Variants in FOXJ3 observed in about 807,000 individuals in gnomAD.
FOXJ3 encodes the protein forkhead box J3.
A neutral mutation model predicts 76.1 loss-of-function variants in FOXJ3; 22 were observed. That is an observed-to-expected ratio of 0.29 (90% CI 0.21 to 0.41). The LOEUF (loss-of-function observed/expected upper bound fraction) is 0.41, where lower values mean the gene tolerates loss of function less well. Ranked by LOEUF, FOXJ3 falls within the 10% of genes least tolerant of loss-of-function variation. The pLI is 1.00. For missense variants in FOXJ3, 613 were observed against 762.1 expected (o/e 0.80, Z 2.30); for synonymous variants, 269 against 261.2 (o/e 1.03, Z -0.29).
intron 3 of FOXJ3, 123 bp from the exon 4 acceptor site, chr1:42,265,312 CT>C: frequency 1.8e-6 from 1 of 542,596 alleles, no homozygotes; most frequent in Non-Finnish European, 3.2e-6. Context: ...ATGGAATAAA[CT>C]TTTTAATCAG....
At chr1:42,200,958 A>G (rs1646753125) in intron 6 of FOXJ3, among the ~76,000 whole-genome samples, 2 of 152,214 alleles carry the variant, frequency 1.3e-5, no homozygotes, top group Non-Finnish European at 2.9e-5. Context: ...CTGCATGAAC[A>G]TTATATAATC....
Position 42,179,834 on chromosome 1 carries a change from A to C in FOXJ3, c.1754-9T>G, listed in dbSNP as rs767422028. 5 of 1,593,000 alleles carry C rather than the reference A, an allele frequency of 3.1e-6. No homozygotes were observed. In the South Asian group the frequency reaches 5.5e-5, roughly 18 times the overall value. ...CATGGCTCTGTGATGGCCTGGAAGG[A>C]AAGAGGCAATAATAGCAGCGACTTG... On this transcript the variant is annotated splice_polypyrimidine_tract_variant and intron_variant, in intron 12 of 12. Transcript: ENST00000361346.
At chr1:42,303,470 A>T (rs538821527) in intron 2 of FOXJ3, among the ~76,000 whole-genome samples, 2 of 152,328 alleles carry the variant, frequency 1.3e-5, no homozygotes, top group South Asian at 4.1e-4. Flanking sequence ...GGCAGCAAGA[A>T]GGCTTGAAAT....
intron 4 of FOXJ3, among the ~76,000 whole-genome samples, chr1:42,231,363 A>G (rs1648094546): frequency 6.6e-6 from 1 of 152,010 alleles, no homozygotes; most frequent in South Asian, 2.1e-4. Context: ...AACGAGGGAT[A>G]CTCTGACACA....
At chr1:42,324,071 G>A (rs1308249277) in intron 1 of FOXJ3, among the ~76,000 whole-genome samples, 1 of 134,350 alleles carries the variant, frequency 7.4e-6, no homozygotes, top group Non-Finnish European at 1.6e-5. Flanking sequence ...TATACACAGT[G>A]TATATATAGT....
At chr1:42,181,827 A>ACACACT (rs765228414) in intron 12 of FOXJ3, 90 bp downstream of exon 12, 1 of 762,316 alleles carries the variant, frequency 1.3e-6, no homozygotes, top group African/African-American at 1.8e-5. Flanking sequence ...ACACACACAC[A>ACACACT]CTCTCTCTCT....
At chr1:42,328,099 C>G (rs1029995463) in intron 1 of FOXJ3, among the ~76,000 whole-genome samples, 13 of 152,122 alleles carry the variant, frequency 8.5e-5, no homozygotes, top group African/African-American at 3.1e-4. Flanking sequence ...CAAGACCAGC[C>G]TAGGGAGCCA....
chr1:42,258,666 G>C (rs138039087), intron 4 of FOXJ3, among the ~76,000 whole-genome samples: 28 of 152,164 alleles, frequency 1.8e-4, no homozygotes, highest in African/African-American at 6.5e-4. Context: ...TACTCTTAAT[G>C]GATTAAAATA....
At chr1:42,215,664 A>G (rs1254291607) in intron 5 of FOXJ3, among the ~76,000 whole-genome samples, 1 of 152,268 alleles carries the variant, frequency 6.6e-6, no homozygotes. Context: ...TAGATACATC[A>G]TAATCAAATT....
chr1:42,192,163 A>G lies in FOXJ3; in HGVS notation c.935-444T>C, dbSNP rs185508027. Among the ~76,000 whole-genome samples, 5 of 152,366 alleles carry G rather than the reference A, an allele frequency of 3.3e-5. No homozygotes were observed. In the East Asian group the frequency reaches 9.6e-4, roughly 29 times the overall value. On this transcript the variant is annotated intron_variant, in intron 8 of 12. Coordinates refer to ENST00000361346, the MANE Select transcript of FOXJ3 (RefSeq NM_014947.5). Reference sequence around the variant, plus strand: ...GCATAAAGACCAAGGCTTTGATAGAAGACCGCACAATCTAAACTAAATCTC... The same window carrying G: ...GCATAAAGACCAAGGCTTTGATAGAGGACCGCACAATCTAAACTAAATCTC...
chr1:42,274,209 G>C (rs1196134141), intron 3 of FOXJ3, among the ~76,000 whole-genome samples: 3 of 152,270 alleles, frequency 2.0e-5, no homozygotes, highest in Admixed American at 1.3e-4. Context: ...CAGGGGTAAA[G>C]CCAGAAAGCA....
chr1:42,291,083 T>TAGACAGACAGACAGACAGACAGACAGAC (rs71065113), intron 2 of FOXJ3, among the ~76,000 whole-genome samples: 24 of 126,458 alleles, frequency 1.9e-4, no homozygotes, highest in Admixed American at 5.1e-4. Flanking sequence ...GATAGATAGA[T>TAGACAGACAGACAGACAGACAGACAGAC]AGACAGACAG....
rs543009631 is a variant in FOXJ3, at chr1:42,248,391, G to A, written c.444+16724C>T. On this transcript the variant is annotated intron_variant, in intron 4 of 12. Coordinates refer to ENST00000361346, the MANE Select transcript of FOXJ3 (RefSeq NM_014947.5). ...CTACTAAAAACACAAAAAATTAGCC[G>A]GGCGTGGTGGCGGGCACCTGTAGTC... 2.7e-4 allele frequency among the ~76,000 whole-genome samples: 41 copies of A among 152,034 alleles called. 1 individual carries two copies. The highest frequency in any genetic ancestry group is 8.0e-4 in the African/African-American group (33 of 41,456).
chr1:42,281,902 T>C (rs1163615492), intron 2 of FOXJ3, among the ~76,000 whole-genome samples: 1 of 151,852 alleles, frequency 6.6e-6, no homozygotes, highest in African/African-American at 2.4e-5. Context: ...CTACTAAAAA[T>C]ACAAAAATTA....
intron 5 of FOXJ3, among the ~76,000 whole-genome samples, chr1:42,221,187 G>A (rs1273838725): frequency 6.6e-6 from 1 of 152,152 alleles, no homozygotes; most frequent in Non-Finnish European, 1.5e-5. Context: ...GTGTGAGTGA[G>A]CGATAATGAA....
chr1:42,246,662 C>A (rs1314575566), intron 4 of FOXJ3, among the ~76,000 whole-genome samples: 1 of 151,090 alleles, frequency 6.6e-6, no homozygotes, highest in Non-Finnish European at 1.5e-5. Context: ...AATAGAACTA[C>A]CATATTAAGC....
rs970112900 is a variant in FOXJ3 at position 42,203,716 on chromosome 1, C to A, written c.630+2046G>T. 2.0e-5 allele frequency among the ~76,000 whole-genome samples: 3 copies of A among 152,254 alleles called. No individual in the cohort carries two copies. The East Asian group carries it at 5.8e-4, about 29-fold the overall frequency. Reference sequence around the variant, plus strand: ...ACTACTTACAAAAAGTTGAACTCAGCCAGGTGTGGTGGCTCACACCTGTAA... The same window carrying A: ...ACTACTTACAAAAAGTTGAACTCAGACAGGTGTGGTGGCTCACACCTGTAA... On this transcript the variant is annotated intron_variant, in intron 6 of 12. Coordinates refer to ENST00000361346, the MANE Select transcript of FOXJ3 (RefSeq NM_014947.5).
intron 2 of FOXJ3, among the ~76,000 whole-genome samples, chr1:42,286,981 C>A (rs1455497717): frequency 1.3e-5 from 2 of 151,574 alleles, no homozygotes; most frequent in African/African-American, 4.8e-5. Context: ...TTCTTAAAAT[C>A]TCCAAGGGAA....
At chr1:42,192,171 C>T (rs1445732901) in intron 8 of FOXJ3, among the ~76,000 whole-genome samples, 3 of 152,158 alleles carry the variant, frequency 2.0e-5, no homozygotes, top group Non-Finnish European at 4.4e-5. Flanking sequence ...GAAGACCGCA[C>T]AATCTAAACT....
Sources: allele counts gnomAD v4.1 joint callset (sites outside exome capture counted in the v4.1 genomes callset), GRCh38; gene constraint gnomAD v4.1.1; transcripts MANE v1.5; gene names NCBI Gene and HGNC (gene_info 2026-07-23, HGNC 2026-07-21).